Variants in DYNC2H1 observed in about 807,000 individuals in gnomAD.
DYNC2H1 encodes the protein cytoplasmic dynein 2 heavy chain 1.
DYNC2H1 carries 410 observed loss-of-function variants against 570.0 expected under a neutral mutation model. That is an observed-to-expected ratio of 0.72 (90% CI 0.66 to 0.78). The LOEUF (loss-of-function observed/expected upper bound fraction) is 0.78, where lower values mean the gene tolerates loss of function less well. DYNC2H1 is among the 30% of genes least tolerant of loss of function. The pLI is 0.00. For synonymous variants in DYNC2H1, 1,688 were observed against 1,677.6 expected, an observed-to-expected ratio of 1.01 and a Z score of -0.15; for missense variants, 4,865 against 5,046.4, an observed-to-expected ratio of 0.96 and a Z score of 1.09.
chr11:103,150,395 A>G (rs1860478876), intron 20 of DYNC2H1, among the ~76,000 whole-genome samples: 1 of 152,108 alleles, frequency 6.6e-6, no homozygotes, highest in Admixed American at 6.6e-5. Context: ...GTGGAGATAG[A>G]ACTATATCTC....
intron 11 of DYNC2H1, among the ~76,000 whole-genome samples, chr11:103,124,474 A>G (rs1242035035): frequency 6.7e-6 from 1 of 148,372 alleles, no homozygotes; most frequent in Non-Finnish European, 1.5e-5. Flanking sequence ...AAAAAGCAGC[A>G]TTATATAAAC....
chr11:103,409,051 C>T (rs1268926137), intron 84 of DYNC2H1, among the ~76,000 whole-genome samples: 2 of 152,026 alleles, frequency 1.3e-5, no homozygotes, highest in Non-Finnish European at 2.9e-5. Context: ...GATTATGCTA[C>T]CTTTGCACAG....
intron 83 of DYNC2H1, among the ~76,000 whole-genome samples, chr11:103,398,277 T>G (rs1041925581): frequency 1.3e-5 from 2 of 152,192 alleles, no homozygotes; most frequent in African/African-American, 4.8e-5. Flanking sequence ...AGTAGTTAAT[T>G]CTAATTAATT....
chr11:103,116,501 G>A, intron 4 of DYNC2H1, 69 bp from the exon 5 acceptor site: 1 of 1,274,052 alleles, frequency 7.8e-7, no homozygotes. Flanking sequence ...AAAGGCCTGG[G>A]AACATTTTGA....
chr11:103,187,220 C>T, intron 42 of DYNC2H1, 120 bp from the exon 43 acceptor site: 2 of 1,365,642 alleles, frequency 1.5e-6, no homozygotes, highest in East Asian at 2.5e-5. Context: ...ACCATTTTTC[C>T]TATCATCATA....
Position 103,234,079 on chromosome 11 carries a change from A to G in DYNC2H1, c.9486A>G (p.Val3162=), listed in dbSNP as rs748942148. The part of the protein sequence containing the change: ...TSEAAKLEAE[V]SKAQETIKAA... ...AAGCTGCCAAACTTGAGGCTGAAGT[A>G]AGCAAGGCACAAGAAACAATCAAAG... The change falls in exon 61 of 89, where the codon GTA becomes GTG. Residue 3162 remains valine (V), a synonymous_variant. Transcript: ENST00000375735. 7 of 1,566,140 alleles carry G rather than the reference A, an allele frequency of 4.5e-6. No individual in the cohort carries two copies. In the African/African-American group the frequency reaches 5.4e-5, roughly 12 times the overall value.
At chr11:103,225,955 A>ATT (rs35928432) in intron 59 of DYNC2H1, among the ~76,000 whole-genome samples, 119 of 147,676 alleles carry the variant, frequency 8.1e-4, no homozygotes, top group South Asian at 3.8e-3. Flanking sequence ...ATTCCTAAGT[A>ATT]TTTTTTTTTT....
At position 103,179,193 on chromosome 11, in the gene DYNC2H1, T is replaced by A. The variant is rs201003494; in HGVS notation, c.6307T>A (p.Ser2103Thr). The change falls in exon 39 of 89, where the codon TCA becomes ACA. Residue 2103 changes from serine (S) to threonine (T), a missense_variant. By Grantham distance (58) the Ser-to-Thr change is moderately conservative. Around this residue, in one of 5 missense-constraint regions of DYNC2H1, gnomAD observed 231 missense variants for 310.3 expected, o/e 0.74. Coordinates refer to ENST00000375735, the MANE Select transcript of DYNC2H1 (RefSeq NM_001377.3). ...TGAAACTCATGATTTAAGTTGTGCATCACCAGCCACAATATCTAGAATGGG... is the reference window on the plus strand; with the variant it reads ...TGAAACTCATGATTTAAGTTGTGCAACACCAGCCACAATATCTAGAATGGG... ...VFETHDLSCA[S>T]PATISRMGMI... 510 of 1,612,816 alleles carry A rather than the reference T, an allele frequency of 3.2e-4. 1 individual carries two copies. The highest frequency in any genetic ancestry group is 4.1e-4 in the Non-Finnish European group (482 of 1,179,244).
intron 84 of DYNC2H1, chr11:103,403,728 G>A (rs1295416224): frequency 2.6e-5 from 4 of 151,964 alleles, no homozygotes; most frequent in African/African-American, 9.7e-5. Flanking sequence ...ATACAGATGG[G>A]TATCTCTATT....
At chr11:103,358,424 C>G (rs1248427664) in intron 83 of DYNC2H1, 65 bp downstream of exon 83, 2 of 1,116,936 alleles carry the variant, frequency 1.8e-6, no homozygotes, top group Non-Finnish European at 2.6e-6. Context: ...ATGTGCTCCC[C>G]ATTTCTGCCT....
intron 82 of DYNC2H1, among the ~76,000 whole-genome samples, chr11:103,343,498 T>C (rs532191723): frequency 0.068 from 10,314 of 152,112 alleles, 366 homozygotes; most frequent in Non-Finnish European, 0.076. Flanking sequence ...CAAAGCCCCA[T>C]CGGGGGTGGG....
chr11:103,182,584 A>G (rs1358048293), intron 40 of DYNC2H1, among the ~76,000 whole-genome samples: 1 of 151,920 alleles, frequency 6.6e-6, no homozygotes, highest in East Asian at 1.9e-4. Flanking sequence ...TGAAGAGAAT[A>G]TTGCTGTCAT....
chr11:103,338,070 C>G (rs184138711), intron 82 of DYNC2H1, among the ~76,000 whole-genome samples: 80 of 152,260 alleles, frequency 5.3e-4, no homozygotes, highest in African/African-American at 1.9e-3. Flanking sequence ...AGACAGCTGT[C>G]TAGTTTAATT....
chr11:103,115,126 T>G, intron 3 of DYNC2H1, 51 bp from the exon 4 acceptor site: 1 of 1,376,750 alleles, frequency 7.3e-7, no homozygotes, highest in Non-Finnish European at 1.0e-6. Context: ...TGTATTCATT[T>G]TTTTTTCTCT....
At chr11:103,255,936 G>C (rs1217702300) in intron 67 of DYNC2H1, among the ~76,000 whole-genome samples, 170 bp from the exon 68 acceptor site, 1 of 151,806 alleles carries the variant, frequency 6.6e-6, no homozygotes, top group Non-Finnish European at 1.5e-5. Context: ...GATATAAGAA[G>C]ACTATAATAA....
chr11:103,113,394 G>A, intron 1 of DYNC2H1, 143 bp from the exon 2 acceptor site: 1 of 525,398 alleles, frequency 1.9e-6, no homozygotes, highest in Non-Finnish European at 3.1e-6. Flanking sequence ...AAGGAAAGAA[G>A]AGATAAATTG....
chr11:103,156,311 A>G, intron 25 of DYNC2H1, 77 bp from the exon 26 acceptor site: 1 of 1,369,844 alleles, frequency 7.3e-7, no homozygotes, highest in Non-Finnish European at 9.8e-7. Context: ...TATATTTTTC[A>G]TAAAATACTT....
At chr11:103,340,817 G>A (rs958485852) in intron 82 of DYNC2H1, among the ~76,000 whole-genome samples, 1 of 151,970 alleles carries the variant, frequency 6.6e-6, no homozygotes, top group Non-Finnish European at 1.5e-5. Context: ...GTGGAGGTGA[G>A]GTAGTTGCTA....
intron 45 of DYNC2H1, among the ~76,000 whole-genome samples, chr11:103,190,427 T>C (rs1862250375): frequency 6.6e-6 from 1 of 152,194 alleles, no homozygotes. Flanking sequence ...GCAATAACAG[T>C]ATGTCTAACT....
Sources: gnomAD v4.1 joint callset for allele counts (sites outside exome capture counted in the v4.1 genomes callset) on GRCh38, gnomAD v4.1.1 for gene constraint, gnomAD v4.1.1 regional missense constraint, MANE v1.5 for transcripts, NCBI Gene and HGNC (gene_info 2026-07-23, HGNC 2026-07-21) for gene names.